PIK3C2G: variants seen among roughly 807,000 people sequenced by gnomAD.
The protein encoded by PIK3C2G is phosphatidylinositol-4-phosphate 3-kinase catalytic subunit type 2 gamma.
Under a neutral mutation model 181.1 loss-of-function variants are expected in PIK3C2G, and 168 were observed. The ratio of observed to expected loss-of-function variants is 0.93; its 90% CI spans 0.82 to 1.05. PIK3C2G has a LOEUF of 1.05. Among genes scored for constraint, PIK3C2G ranks in the 50% least tolerant of loss-of-function variants. The pLI, the probability that PIK3C2G is intolerant of heterozygous loss-of-function variation, is 0.00. For missense variants in PIK3C2G, 1,869 were observed against 1,732.8 expected (o/e 1.08, Z -1.40); for synonymous variants, 573 against 592.2 (o/e 0.97, Z 0.47).
intron 30 of PIK3C2G, among the ~76,000 whole-genome samples, chr12:18,598,879 CA>C (rs1241713482): frequency 6.6e-6 from 1 of 151,654 alleles, no homozygotes; most frequent in Non-Finnish European, 1.5e-5. Flanking sequence ...TTTATGCAGC[CA>C]AAAAACACAT....
intron 29 of PIK3C2G, among the ~76,000 whole-genome samples, chr12:18,586,898 T>G (rs553661554): frequency 2.0e-5 from 3 of 152,068 alleles, no homozygotes; most frequent in East Asian, 1.9e-4. Context: ...AAAGGTTGGG[T>G]CAACATATGC....
chr12:18,430,622 G>A (rs992430472), intron 18 of PIK3C2G, among the ~76,000 whole-genome samples: 1 of 152,150 alleles, frequency 6.6e-6, no homozygotes. Context: ...GATAGGGGGT[G>A]GAGGAGAGCT....
intron 16 of PIK3C2G, among the ~76,000 whole-genome samples, chr12:18,411,895 T>C (rs1057238777): frequency 6.6e-6 from 1 of 152,066 alleles, no homozygotes; most frequent in Non-Finnish European, 1.5e-5. Context: ...TAAGATATTT[T>C]CCCTATACCC....
At chr12:18,376,194 A>G (rs951176528) in intron 13 of PIK3C2G, among the ~76,000 whole-genome samples, 4 of 152,194 alleles carry the variant, frequency 2.6e-5, no homozygotes, top group African/African-American at 9.6e-5. Context: ...GCAGCTTACA[A>G]TCTCAGCATA....
intron 13 of PIK3C2G, among the ~76,000 whole-genome samples, chr12:18,374,156 G>A (rs1197262663): frequency 6.6e-6 from 1 of 152,078 alleles, no homozygotes; most frequent in Non-Finnish European, 1.5e-5. Flanking sequence ...CAAAGCCCAA[G>A]CATGCCCAAA....
At chr12:18,523,382 G>T (rs1223587438) in intron 24 of PIK3C2G, among the ~76,000 whole-genome samples, 2 of 152,126 alleles carry the variant, frequency 1.3e-5, no homozygotes, top group Non-Finnish European at 1.5e-5. Flanking sequence ...TGTGTTTTTT[G>T]ATGGTGATAG....
chr12:18,545,164 C>G (rs1468824540), intron 25 of PIK3C2G, among the ~76,000 whole-genome samples: 1 of 151,822 alleles, frequency 6.6e-6, no homozygotes, highest in Non-Finnish European at 1.5e-5. Context: ...TTGCTGCTCA[C>G]CCATGTAATA....
intron 18 of PIK3C2G, among the ~76,000 whole-genome samples, chr12:18,454,544 T>A (rs1278324430): frequency 3.3e-5 from 5 of 152,080 alleles, no homozygotes; most frequent in African/African-American, 4.8e-5. Context: ...GGTCTTGTGG[T>A]TTTTGTAAGG....
chr12:18,693,470 A>T, the PIK3C2G span: 5 of 1,607,356 alleles, frequency 3.1e-6, no homozygotes, highest in South Asian at 5.5e-5. Flanking sequence ...TGGCACAGGT[A>T]AAACCTTGTT....
At position 18,330,138 on chromosome 12, in the gene PIK3C2G, T is replaced by C. The variant is rs549743165; in HGVS notation, c.1272+5040T>C. Among the ~76,000 whole-genome samples, 6 of 152,276 alleles carry C rather than the reference T, an allele frequency of 3.9e-5. No homozygotes were observed. The South Asian group carries it at 1.0e-3, about 26-fold the overall frequency. On this transcript the variant is annotated intron_variant, in intron 8 of 32. Coordinates refer to ENST00000538779, the MANE Select transcript of PIK3C2G (RefSeq NM_001288772.2). ...TAGGGGCTTTTCGCTTTAATTATAA[T>C]GTCTTATTTATTAAGTCACTTTTCT...
intron 18 of PIK3C2G, among the ~76,000 whole-genome samples, 171 bp from the exon 19 acceptor site, chr12:18,488,278 T>A (rs1037082474): frequency 6.6e-6 from 1 of 152,114 alleles, no homozygotes; most frequent in Admixed American, 6.6e-5. Context: ...AACTATCAGA[T>A]GGAACTTGAT....
At chr12:18,543,726 T>C (rs915002144) in intron 25 of PIK3C2G, among the ~76,000 whole-genome samples, 9 of 151,960 alleles carry the variant, frequency 5.9e-5, no homozygotes, top group Admixed American at 2.0e-4. Context: ...TTCTGGCCTC[T>C]CTATTTTGTT....
At chr12:18,371,435 C>T in intron 13 of PIK3C2G, 124 bp downstream of exon 13, 1 of 773,422 alleles carries the variant, frequency 1.3e-6, no homozygotes, top group East Asian at 3.0e-5. Context: ...TGACATAGTT[C>T]AATATAAATC....
intron 13 of PIK3C2G, among the ~76,000 whole-genome samples, chr12:18,372,156 A>G (rs1412959589): frequency 1.3e-5 from 2 of 151,968 alleles, no homozygotes; most frequent in African/African-American, 4.8e-5. Flanking sequence ...GATATTTCAA[A>G]TCTTCTTTGT....
At chr12:18,663,190 C>T in the PIK3C2G span, among the ~76,000 whole-genome samples, 7 of 151,956 alleles carry the variant, frequency 4.6e-5, no homozygotes, top group Non-Finnish European at 8.8e-5. Context: ...AGGTTCATCA[C>T]TTTTATTCAA....
intron 5 of PIK3C2G, among the ~76,000 whole-genome samples, chr12:18,299,406 TATTTA>T (rs1340764093): frequency 6.6e-6 from 1 of 151,990 alleles, no homozygotes; most frequent in Non-Finnish European, 1.5e-5. Context: ...CTTGCAACTT[TATTTA>T]ATTTGTTTAT....
chr12:18,480,286 G>C (rs1939425890), intron 18 of PIK3C2G, among the ~76,000 whole-genome samples: 3 of 152,086 alleles, frequency 2.0e-5, no homozygotes, highest in African/African-American at 7.2e-5. Flanking sequence ...TCACAGCAGA[G>C]TGCTTAATTT....
At chr12:18,557,840 CA>C (rs1396656422) in intron 26 of PIK3C2G, among the ~76,000 whole-genome samples, 7 of 152,038 alleles carry the variant, frequency 4.6e-5, no homozygotes, top group African/African-American at 1.7e-4. Flanking sequence ...ATAACTCCAA[CA>C]AAAAATATGC....
the PIK3C2G span, among the ~76,000 whole-genome samples, chr12:18,660,700 A>C: frequency 6.6e-6 from 1 of 152,138 alleles, no homozygotes; most frequent in Non-Finnish European, 1.5e-5. Flanking sequence ...AAGGAGAAGA[A>C]TCTGATTTCC....
Sources: gnomAD v4.1 joint callset for allele counts (sites outside exome capture counted in the v4.1 genomes callset) on GRCh38, gnomAD v4.1.1 for gene constraint, MANE v1.5 for transcripts, NCBI Gene and HGNC (gene_info 2026-07-23, HGNC 2026-07-21) for gene names.